Variants in SLC44A3 observed in about 807,000 individuals in gnomAD.
SLC44A3 encodes the protein solute carrier family 44 member 3.
A neutral mutation model predicts 75.4 loss-of-function variants in SLC44A3; 74 were observed. The ratio of observed to expected loss-of-function variants is 0.98; its 90% confidence interval spans 0.81 to 1.19. SLC44A3 has a LOEUF of 1.19. Ranked by LOEUF, SLC44A3 falls within the 50% of genes most tolerant of loss-of-function variation. The pLI is 0.00. For synonymous variants in SLC44A3, 310 were observed against 296.9 expected, an observed-to-expected ratio of 1.04 and a Z score of -0.45; for missense variants, 700 against 778.6, an observed-to-expected ratio of 0.90 and a Z score of 1.20.
intron 6 of SLC44A3, 93 bp from the exon 7 acceptor site, chr1:94,839,855 A>ACTGTT: frequency 1.2e-6 from 1 of 849,460 alleles, no homozygotes; most frequent in Admixed American, 1.8e-5. Context: ...CTCAGCCGTC[A>ACTGTT]CTGTTCTGGA....
At chr1:94,885,697 CA>C (rs1669511237) in intron 12 of SLC44A3, among the ~76,000 whole-genome samples, 2 of 152,194 alleles carry the variant, frequency 1.3e-5, no homozygotes, top group Admixed American at 6.5e-5. Flanking sequence ...ACCGGGGGCA[CA>C]CTACTTTACC....
At chr1:94,845,758 C>T (rs1189398647) in intron 9 of SLC44A3, among the ~76,000 whole-genome samples, 1 of 152,164 alleles carries the variant, frequency 6.6e-6, no homozygotes, top group Non-Finnish European at 1.5e-5. Flanking sequence ...AAGAATATTA[C>T]CAGATGTCTC....
At chr1:94,848,551 C>T (rs1664760639) in intron 9 of SLC44A3, among the ~76,000 whole-genome samples, 1 of 152,176 alleles carries the variant, frequency 6.6e-6, no homozygotes, top group Admixed American at 6.5e-5. Context: ...CCCTTGTTGG[C>T]TGTGAATCTG....
intron 12 of SLC44A3, among the ~76,000 whole-genome samples, chr1:94,879,272 A>C (rs1171109830): frequency 1.3e-5 from 2 of 151,674 alleles, no homozygotes; most frequent in Admixed American, 6.6e-5. Context: ...AGTGGCTCAC[A>C]CCTGTAATCC....
intron 10 of SLC44A3, among the ~76,000 whole-genome samples, chr1:94,863,182 G>A (rs1055515605): frequency 2.6e-5 from 4 of 152,068 alleles, no homozygotes; most frequent in African/African-American, 7.2e-5. Context: ...CTCCCATCAC[G>A]TGATAACCCA....
At chr1:94,882,238 C>T (rs535040207) in intron 12 of SLC44A3, among the ~76,000 whole-genome samples, 2 of 152,302 alleles carry the variant, frequency 1.3e-5, no homozygotes, top group South Asian at 4.1e-4. Flanking sequence ...AGGGTGACAG[C>T]ACTACTATGT....
chr1:94,834,069 T>A (rs536950409), intron 5 of SLC44A3, among the ~76,000 whole-genome samples: 9 of 152,344 alleles, frequency 5.9e-5, no homozygotes, highest in South Asian at 4.1e-4. Context: ...TCTCATTTTT[T>A]AAAAATTCCC....
intron 9 of SLC44A3, among the ~76,000 whole-genome samples, chr1:94,852,095 A>T (rs1665288968): frequency 6.6e-6 from 1 of 152,240 alleles, no homozygotes; most frequent in African/African-American, 2.4e-5. Context: ...CCATTCATTC[A>T]TTCAATCAAC....
At position 94,894,818 on chromosome 1, in the gene SLC44A3, A is replaced by C; in HGVS notation, c.1858A>C (p.Ser620Arg). The C allele has an allele frequency of 6.2e-7, 1 of 1,608,244 alleles. No individual in the cohort carries two copies. Among genetic ancestry groups the C allele is most frequent in the South Asian group, 1.1e-5 (1 of 89,992 alleles). The part of the protein sequence containing the change: ...KPYFMDQEFL[S>R]FVKRSNKLNN... ...TCTAACTTGTTCTTTTGTTTTTCAG[A>C]GTTTCGTAAAAAGGAGCAACAAATT... is the stretch of plus-strand genomic sequence containing the variant. Residue 620 changes from serine (S) to arginine (R), a missense_variant and splice_region_variant, in exon 15 of 15, where the codon AGT becomes CGT. Physicochemically the swap from Ser to Arg is moderately radical, Grantham distance 110. Coordinates refer to ENST00000271227, the MANE Select transcript of SLC44A3 (RefSeq NM_001114106.3).
At chr1:94,822,892 A>G (rs941749119) in intron 2 of SLC44A3, among the ~76,000 whole-genome samples, 2 of 152,224 alleles carry the variant, frequency 1.3e-5, no homozygotes, top group Non-Finnish European at 2.9e-5. Context: ...AATTAGGACA[A>G]TGAAGGTTTA....
At chr1:94,835,208 G>C (rs1232674681) in intron 5 of SLC44A3, among the ~76,000 whole-genome samples, 1 of 152,198 alleles carries the variant, frequency 6.6e-6, no homozygotes, top group Non-Finnish European at 1.5e-5. Context: ...CCAACACTTT[G>C]AGAGGCAGAG....
At position 94,828,508 on chromosome 1, in the gene SLC44A3, T is replaced by C. The variant is rs780974110; in HGVS notation, c.431T>C (p.Val144Ala). The change falls in exon 5 of 15, where the codon GTT becomes GCT. Residue 144 changes from valine to alanine, a missense_variant. Coordinates refer to ENST00000271227, the MANE Select transcript of SLC44A3 (RefSeq NM_001114106.3). Reference protein sequence around the residue: ...FANTSGSFLCVYSLNSFNYTH... With the variant: ...FANTSGSFLCAYSLNSFNYTH... Reference sequence around the variant, plus strand: ...CTGCTTCCAGGGTCCTTCCTGTGTGTTTATAGTTTGAATTCCTTCAACTAT... The same window carrying C: ...CTGCTTCCAGGGTCCTTCCTGTGTGCTTATAGTTTGAATTCCTTCAACTAT... 1.2e-6 allele frequency: 2 copies of C among 1,613,790 alleles called. No individual in the cohort carries two copies. Among genetic ancestry groups the C allele is most frequent in the Non-Finnish European group, 8.5e-7 (1 of 1,179,798 alleles).
chr1:94,868,574 C>T (rs191660286), intron 12 of SLC44A3, among the ~76,000 whole-genome samples: 310 of 152,194 alleles, frequency 2.0e-3, no homozygotes, highest in African/African-American at 6.5e-3. Context: ...CAGTCCAAAC[C>T]GTTTGAATAC....
chr1:94,842,209 A>G (rs1663749352), intron 8 of SLC44A3, 85 bp downstream of exon 8: 1 of 1,474,346 alleles, frequency 6.8e-7, no homozygotes, highest in Non-Finnish European at 9.0e-7. Flanking sequence ...AAAAACAACT[A>G]TAATTTGTTT....
rs55782154 is a variant in SLC44A3, at chr1:94,856,148, GA to G, written c.1073-1184del. Among the ~76,000 whole-genome samples the G allele has an allele frequency of 5.6e-3, 857 of 152,320 alleles. 4 individuals are homozygous for G. The highest frequency in any genetic ancestry group is 9.3e-3 in the Non-Finnish European group (636 of 68,026). ...TACGGTGACCTTGCTGGCCTCAGTT[GA>G]AAGTAGTACTGTGCTCCTGAAATTT... On this transcript the variant is annotated intron_variant, in intron 9 of 14. Transcript: ENST00000271227.
intron 5 of SLC44A3, among the ~76,000 whole-genome samples, chr1:94,837,222 C>T (rs188814017): frequency 5.0e-4 from 76 of 152,112 alleles, no homozygotes; most frequent in African/African-American, 1.8e-3. Flanking sequence ...GTTTCTGTTA[C>T]GTAGGATGAA....
intron 5 of SLC44A3, among the ~76,000 whole-genome samples, chr1:94,837,462 G>C (rs1362047886): frequency 6.6e-6 from 1 of 151,808 alleles, no homozygotes; most frequent in Non-Finnish European, 1.5e-5. Context: ...TAAAAATGTT[G>C]CTCCCCAAGT....
At chr1:94,887,866 G>T (rs1557892088) in intron 12 of SLC44A3, among the ~76,000 whole-genome samples, 1 of 152,104 alleles carries the variant, frequency 6.6e-6, no homozygotes, top group Non-Finnish European at 1.5e-5. Flanking sequence ...GGATCCCTGT[G>T]GGTGTGAGGG....
intron 9 of SLC44A3, among the ~76,000 whole-genome samples, chr1:94,854,757 G>A (rs1050026568): frequency 6.7e-6 from 1 of 149,750 alleles, no homozygotes; most frequent in African/African-American, 2.5e-5. Context: ...CCCTGATATG[G>A]CATTTGGCAA....
Sources: allele counts gnomAD v4.1 joint callset (sites outside exome capture counted in the v4.1 genomes callset), GRCh38; gene constraint gnomAD v4.1.1; transcripts MANE v1.5; gene names NCBI Gene and HGNC (gene_info 2026-07-23, HGNC 2026-07-21).